The following TJP1 variants were observed in gnomAD, a reference collection of about 807,000 sequenced individuals.
The protein encoded by TJP1 is tight junction protein 1, also known as tight junction protein ZO-1.
In TJP1, 43 loss-of-function variants were observed where a neutral mutation model predicts 194.2. That is an observed-to-expected ratio of 0.22 (90% CI 0.17 to 0.29). The LOEUF (loss-of-function observed/expected upper bound fraction) is 0.29. Ranked by LOEUF, TJP1 falls within the 10% of genes least tolerant of loss-of-function variation. The pLI is 1.00. For synonymous variants in TJP1, 801 were observed against 779.0 expected, an observed-to-expected ratio of 1.03 and a Z score of -0.47; for missense variants, 1,971 against 2,185.7, an observed-to-expected ratio of 0.90 and a Z score of 1.96.
At chr15:29,833,184 G>C (rs1417028619) in intron 2 of TJP1, among the ~76,000 whole-genome samples, 1 of 152,146 alleles carries the variant, frequency 6.6e-6, no homozygotes, top group East Asian at 1.9e-4. Flanking sequence ...TCTTCTAGTA[G>C]AGGTATTTTT....
At chr15:29,831,752 C>T (rs139932464) in intron 2 of TJP1, among the ~76,000 whole-genome samples, 66 of 152,184 alleles carry the variant, frequency 4.3e-4, no homozygotes, top group African/African-American at 1.5e-3. Flanking sequence ...AAGGAAGGGA[C>T]CCCTTTTTAG....
At chr15:29,937,084 T>G (rs1334283903) in intron 2 of TJP1, among the ~76,000 whole-genome samples, 1 of 152,222 alleles carries the variant, frequency 6.6e-6, no homozygotes, top group African/African-American at 2.4e-5. Context: ...GTTCTGAAAT[T>G]TACACAATTC....
intron 2 of TJP1, among the ~76,000 whole-genome samples, chr15:29,845,330 G>A (rs990294156): frequency 6.6e-6 from 1 of 152,082 alleles, no homozygotes; most frequent in Non-Finnish European, 1.5e-5. Context: ...GGATTTTCCA[G>A]CTTAAACTGA....
rs886630667 is a variant in TJP1 at position 29,735,536 on chromosome 15, G to A, written c.1408-1154C>T. 4.7e-5 allele frequency among the ~76,000 whole-genome samples: 7 copies of A among 149,788 alleles called. No homozygotes were observed. The East Asian group carries it at 7.9e-4, about 17-fold the overall frequency. On this transcript the variant is annotated intron_variant, in intron 11 of 27. Coordinates refer to ENST00000614355, the MANE Select transcript of TJP1 (RefSeq NM_001330239.4). ...TAGGTGTTTAAGGCTGCAGTGAGCC[G>A]TGATCACACCACTGCATTCCAGCCT...
chr15:29,803,312 G>T (rs2048906467), intron 1 of TJP1, among the ~76,000 whole-genome samples: 1 of 152,174 alleles, frequency 6.6e-6, no homozygotes, highest in African/African-American at 2.4e-5. Context: ...ACTTTACGAT[G>T]GTACCCATAC....
At chr15:29,726,733 T>C (rs1469226250) in intron 17 of TJP1, 48 bp downstream of exon 17, 2 of 1,564,664 alleles carry the variant, frequency 1.3e-6, no homozygotes, top group Non-Finnish European at 8.8e-7. Context: ...CTACTTAATG[T>C]TGCCCAGACA....
At chr15:29,740,794 A>G (rs1387192138) in intron 10 of TJP1, among the ~76,000 whole-genome samples, 1 of 152,128 alleles carries the variant, frequency 6.6e-6, no homozygotes, top group East Asian at 1.9e-4. Flanking sequence ...CTACCCTAGA[A>G]CAGGTTCTCA....
intron 2 of TJP1, among the ~76,000 whole-genome samples, chr15:29,930,409 A>G (rs1263259865): frequency 2.0e-5 from 3 of 152,238 alleles, no homozygotes; most frequent in East Asian, 1.9e-4. Context: ...ACACAAAACA[A>G]TATCATACTA....
At chr15:29,723,996 T>C (rs1031496363) in intron 18 of TJP1, among the ~76,000 whole-genome samples, 1 of 152,194 alleles carries the variant, frequency 6.6e-6, no homozygotes, top group African/African-American at 2.4e-5. Flanking sequence ...TTTCTTCCAC[T>C]TCAGTATGGA....
intron 18 of TJP1, among the ~76,000 whole-genome samples, chr15:29,723,578 TA>T (rs2043064313): frequency 6.6e-6 from 1 of 152,198 alleles, no homozygotes; most frequent in African/African-American, 2.4e-5. Context: ...AAGAGCAGAC[TA>T]AAACAACCTG....
In TJP1 at chr15:29,868,031, T is replaced by G. The variant is rs369866089; in HGVS notation, c.307-67329A>C. Among the ~76,000 whole-genome samples, 43 of 142,666 alleles carry G rather than the reference T, an allele frequency of 3.0e-4. No individual in the cohort carries two copies. In the South Asian group the frequency reaches 1.0e-2, roughly 33 times the overall value. The allele number at this position is 142,666 out of a possible 152,430, so 93.6% of individuals were successfully genotyped here. On this transcript the variant is annotated intron_variant, in intron 2 of 28. Coordinates refer to the TJP1 transcript ENST00000356107. ...TGAGATCACACCACTGCACTCCAGC[T>G]TGGGTGATAGATTAAGATTCTGTCT...
chr15:29,779,056 C>T (rs2047190698), intron 2 of TJP1, among the ~76,000 whole-genome samples: 1 of 152,202 alleles, frequency 6.6e-6, no homozygotes, highest in Non-Finnish European at 1.5e-5. Context: ...TAGCAAGTCA[C>T]ATAGCAAATC....
intron 2 of TJP1, among the ~76,000 whole-genome samples, chr15:29,793,451 C>T (rs1056235087): frequency 6.6e-6 from 1 of 152,052 alleles, no homozygotes; most frequent in Non-Finnish European, 1.5e-5. Flanking sequence ...AAAGAAATAC[C>T]TGAGACTGGG....
intron 18 of TJP1, among the ~76,000 whole-genome samples, chr15:29,725,725 T>A (rs2043200368): frequency 6.6e-6 from 1 of 152,184 alleles, no homozygotes; most frequent in African/African-American, 2.4e-5. Context: ...CATTTGGACG[T>A]ATAGAAAACC....
At chr15:29,739,027 G>C (rs1390840611) in intron 10 of TJP1, among the ~76,000 whole-genome samples, 1 of 152,096 alleles carries the variant, frequency 6.6e-6, no homozygotes, top group East Asian at 1.9e-4. Context: ...CTGGGTGACA[G>C]AGTGAGGCCC....
Position 29,716,680 on chromosome 15 carries a change from C to G in TJP1, c.4133G>C (p.Ser1378Thr), listed in dbSNP as rs1274857691. 1.2e-6 allele frequency: 2 copies of G among 1,614,050 alleles called. No individual in the cohort carries two copies. The highest frequency in any genetic ancestry group is 2.2e-5 in the South Asian group (2 of 91,062). ...TGGCTTTGCAGGCTCGGAGAGATGG[C>G]TGGCGGCAATGTGTGCAGGAGGCTT... ...ENKPPAHIAASHLSEPAKPAH... is the reference protein window; with the variant it reads ...ENKPPAHIAATHLSEPAKPAH... The change falls in exon 23 of 28, where the codon AGC becomes ACC. Residue 1378 changes from serine to threonine, a missense_variant. By Grantham distance (58) the Ser-to-Thr change is moderately conservative. This residue lies in a region of TJP1 where 1,108 missense variants were observed against 1,128.5 expected (regional missense o/e 0.98). Transcript: ENST00000614355.
intron 2 of TJP1, among the ~76,000 whole-genome samples, chr15:29,799,603 GAC>G (rs2048648504): frequency 6.6e-6 from 1 of 152,034 alleles, no homozygotes; most frequent in Non-Finnish European, 1.5e-5. Context: ...TTTTAGTACA[GAC>G]AGGGTTTCAC....
At chr15:29,915,593 A>AAT (rs1417540648) in intron 2 of TJP1, among the ~76,000 whole-genome samples, 15 of 152,358 alleles carry the variant, frequency 9.8e-5, no homozygotes, top group Non-Finnish European at 2.1e-4. Context: ...TTTAAACCTT[A>AAT]ACCATTGCCA....
chr15:29,835,917 CAGAGAGAGAG>C (rs143355262), intron 2 of TJP1, among the ~76,000 whole-genome samples: 5 of 147,890 alleles, frequency 3.4e-5, no homozygotes, highest in African/African-American at 1.3e-4. Flanking sequence ...CAGAGAGAGA[CAGAGAGAGAG>C]AGAGGAGATA....
Sources: gnomAD v4.1 joint callset for allele counts (sites outside exome capture counted in the v4.1 genomes callset) on GRCh38, gnomAD v4.1.1 for gene constraint, gnomAD v4.1.1 regional missense constraint, MANE v1.5 for transcripts, NCBI Gene and HGNC (gene_info 2026-07-23, HGNC 2026-07-21) for gene names.